STK3: variants seen among roughly 807,000 people sequenced by gnomAD.
The protein encoded by STK3 is serine/threonine kinase 3, also known as serine/threonine-protein kinase 3.
In STK3, 41 loss-of-function variants were observed where a neutral mutation model predicts 58.0. The ratio of observed to expected loss-of-function variants is 0.71; its 90% CI spans 0.55 to 0.92. STK3 has a LOEUF of 0.92. Ranked by LOEUF, STK3 falls within the 40% of genes least tolerant of loss-of-function variation. The pLI, the probability that STK3 is intolerant of heterozygous loss-of-function variation, is 0.00. For missense variants in STK3, 479 were observed against 602.7 expected, an observed-to-expected ratio of 0.79 and a Z score of 2.15; for synonymous variants, 170 against 191.0, an observed-to-expected ratio of 0.89 and a Z score of 0.91.
intron 4 of STK3, among the ~76,000 whole-genome samples, chr8:98,713,671 G>T (rs1826739062): frequency 6.6e-6 from 1 of 152,132 alleles, no homozygotes; most frequent in Non-Finnish European, 1.5e-5. Flanking sequence ...GGACCAAAAG[G>T]ATTCACAGCT....
At chr8:98,877,844 AG>A (rs1345983503) in intron 3 of STK3, among the ~76,000 whole-genome samples, 3 of 152,206 alleles carry the variant, frequency 2.0e-5, no homozygotes, top group Admixed American at 6.5e-5. Flanking sequence ...ATTATTATGT[AG>A]TACTTTAAAA....
downstream of STK3, among the ~76,000 whole-genome samples, chr8:98,453,632 T>C (rs773130547): frequency 6.6e-6 from 1 of 152,080 alleles, no homozygotes; most frequent in African/African-American, 2.4e-5. Flanking sequence ...CTGCAGAAAA[T>C]TGCAATGTGA....
At chr8:98,679,861 CAAT>C (rs1211164470) in intron 6 of STK3, among the ~76,000 whole-genome samples, 2 of 152,112 alleles carry the variant, frequency 1.3e-5, no homozygotes, top group African/African-American at 4.8e-5. Context: ...CTATAGTAAA[CAAT>C]AATGTAGACA....
At chr8:98,723,948 G>T (rs80068838) in intron 4 of STK3, among the ~76,000 whole-genome samples, 1 of 152,136 alleles carries the variant, frequency 6.6e-6, no homozygotes, top group East Asian at 1.9e-4. Context: ...AACAATAACA[G>T]CTTGCATTTA....
At chr8:98,539,394 G>A (rs1047482259) in intron 9 of STK3, among the ~76,000 whole-genome samples, 1 of 152,076 alleles carries the variant, frequency 6.6e-6, no homozygotes, top group East Asian at 1.9e-4. Context: ...CATACTTCAC[G>A]ATTTTGTCTA....
At chr8:98,705,218 G>A (rs1280688995) in intron 6 of STK3, among the ~76,000 whole-genome samples, 1 of 152,004 alleles carries the variant, frequency 6.6e-6, no homozygotes, top group Non-Finnish European at 1.5e-5. Context: ...CCCAGAAGTT[G>A]GAGACCAGCC....
chr8:98,780,423 A>C (rs1046022121), intron 1 of STK3, among the ~76,000 whole-genome samples: 2 of 152,116 alleles, frequency 1.3e-5, no homozygotes, highest in African/African-American at 2.4e-5. Flanking sequence ...AAGAAGCTAA[A>C]TCACCTACTT....
At position 98,618,175 on chromosome 8, in the gene STK3, A is replaced by G. The variant is rs997349819; in HGVS notation, c.685-22006T>C. ...TGGTTCAATATACAGAAATCAATAAATGTAATCCAGCATATAAACAGAGCC... is the reference window on the plus strand; with the variant it reads ...TGGTTCAATATACAGAAATCAATAAGTGTAATCCAGCATATAAACAGAGCC... On this transcript the variant is annotated intron_variant, in intron 6 of 10. Coordinates refer to ENST00000419617, the MANE Select transcript of STK3 (RefSeq NM_006281.4). 1.7e-3 allele frequency among the ~76,000 whole-genome samples: 256 copies of G among 152,068 alleles called. 1 individual carries two copies. Among genetic ancestry groups the G allele is most frequent in the Non-Finnish European group, 2.5e-3 (172 of 67,990 alleles).
chr8:98,550,274 T>C (rs1015083199), intron 8 of STK3, among the ~76,000 whole-genome samples: 1 of 152,160 alleles, frequency 6.6e-6, no homozygotes, highest in East Asian at 1.9e-4. Context: ...TCGTTTGCAC[T>C]TCTTTCATGA....
intron 3 of STK3, among the ~76,000 whole-genome samples, chr8:98,853,108 AT>A (rs1320187623): frequency 5.3e-5 from 8 of 151,892 alleles, no homozygotes; most frequent in Non-Finnish European, 1.2e-4. Flanking sequence ...ATATATATTA[AT>A]ATTAAATTAA....
intron 6 of STK3, chr8:98,603,226 T>G (rs1473421611): frequency 6.6e-6 from 1 of 151,944 alleles, no homozygotes; most frequent in Non-Finnish European, 1.5e-5. Context: ...AAACAATTAG[T>G]CTACAGTGTT....
intron 3 of STK3, among the ~76,000 whole-genome samples, chr8:98,869,711 A>T (rs919745175): frequency 3.3e-5 from 5 of 152,078 alleles, no homozygotes; most frequent in Non-Finnish European, 7.4e-5. Context: ...TTATTTTTTT[A>T]AAATTTGAAT....
At chr8:98,501,056 T>A (rs1019300977) in intron 10 of STK3, among the ~76,000 whole-genome samples, 1 of 152,154 alleles carries the variant, frequency 6.6e-6, no homozygotes, top group African/African-American at 2.4e-5. Context: ...TTTCTCTACA[T>A]CCTCTCCAGC....
intron 7 of STK3, among the ~76,000 whole-genome samples, chr8:98,582,981 C>T (rs761492919): frequency 1.5e-4 from 23 of 151,896 alleles, no homozygotes; most frequent in Non-Finnish European, 3.2e-4. Context: ...CTATATCTTC[C>T]TTTATATTAT....
intron 1 of STK3, among the ~76,000 whole-genome samples, chr8:98,921,822 C>G (rs1483022818): frequency 6.6e-6 from 1 of 152,064 alleles, no homozygotes; most frequent in Non-Finnish European, 1.5e-5. Flanking sequence ...CTCCCAAGCA[C>G]CTGGGACTAC....
At chr8:98,492,352 T>TTA (rs1822762975) in intron 10 of STK3, among the ~76,000 whole-genome samples, 1 of 152,170 alleles carries the variant, frequency 6.6e-6, no homozygotes, top group Non-Finnish European at 1.5e-5. Context: ...TTAAAGAGTT[T>TTA]TAAGAAATGA....
intron 3 of STK3, among the ~76,000 whole-genome samples, chr8:98,761,904 C>T (rs1204098398): frequency 6.6e-6 from 1 of 152,060 alleles, no homozygotes; most frequent in African/African-American, 2.4e-5. Context: ...GGAAATAGAA[C>T]AGGTAAGAAT....
chr8:98,700,792 A>C (rs1055492146), intron 6 of STK3, among the ~76,000 whole-genome samples: 2 of 152,144 alleles, frequency 1.3e-5, no homozygotes, highest in East Asian at 3.9e-4. Context: ...TGCTGTCCAC[A>C]GAGTGATCCA....
At chr8:98,608,028 CT>C (rs1157110286) in intron 6 of STK3, among the ~76,000 whole-genome samples, 1 of 152,020 alleles carries the variant, frequency 6.6e-6, no homozygotes, top group African/African-American at 2.4e-5. Context: ...AATAGAAAAA[CT>C]CACTACTATG....
Sources: gnomAD v4.1 joint callset for allele counts (sites outside exome capture counted in the v4.1 genomes callset) on GRCh38, gnomAD v4.1.1 for gene constraint, MANE v1.5 for transcripts, NCBI Gene and HGNC (gene_info 2026-07-23, HGNC 2026-07-21) for gene names.